The following SMAD6 variants were observed in gnomAD, a reference collection of about 807,000 sequenced individuals.
SMAD6 encodes MAD homolog 6.
In SMAD6, 103 loss-of-function variants were observed where a neutral mutation model predicts 39.4. That is an observed-to-expected ratio of 2.62 (90% CI 2.23 to 3.08). The LOEUF (loss-of-function observed/expected upper bound fraction) is 3.08, where lower values mean the gene tolerates loss of function less well. SMAD6 is among the 30% of genes most tolerant of loss of function. SMAD6 has a pLI of 0.00. For missense variants in SMAD6, 1,104 were observed against 742.9 expected (o/e 1.49, Z -5.65); for synonymous variants, 445 against 353.3 (o/e 1.26, Z -2.91).
chr15:66,777,787 C>T (rs549728874), intron 3 of SMAD6, among the ~76,000 whole-genome samples: 3 of 152,302 alleles, frequency 2.0e-5, no homozygotes, highest in Admixed American at 6.5e-5. Context: ...TGGCCAGGAG[C>T]GCAGGCCTGA....
chr15:66,763,999 C>G (rs769773632), intron 3 of SMAD6, among the ~76,000 whole-genome samples: 66 of 152,376 alleles, frequency 4.3e-4, no homozygotes, highest in Non-Finnish European at 8.1e-4. Context: ...CACGGGACTT[C>G]CCTTCCAGAT....
Position 66,703,344 on chromosome 15 carries a change from G to GCGGCGGTGGCGGCGA in SMAD6, c.89_103dup (p.Gly30_Asp34dup). On this transcript the variant is annotated inframe_insertion, in exon 1 of 4. Transcript: ENST00000288840. ...GACCGGGAGGAAGGCGGCAGCGGCGGCGGCGGTGGCGGCGACGAGGATGGG... is the reference window on the plus strand; with the variant it reads ...GACCGGGAGGAAGGCGGCAGCGGCGGCGGCGGTGGCGGCGACGGCGGTGGCGGCGACGAGGATGGG... 1 of 1,482,160 alleles carries GCGGCGGTGGCGGCGA rather than the reference G, an allele frequency of 6.7e-7. No individual in the cohort carries two copies. The highest frequency in any genetic ancestry group is 2.4e-5 in the Admixed American group (1 of 41,320). The allele number at this position is 1,482,160 out of a possible 1,614,324, so 91.8% of individuals were successfully genotyped here. A position where few individuals can be genotyped will look rare whatever the true frequency, so the allele number is the denominator to read the frequency against.
intron 3 of SMAD6, among the ~76,000 whole-genome samples, chr15:66,776,649 C>A (rs1894472755): frequency 6.6e-6 from 1 of 152,202 alleles, no homozygotes; most frequent in Non-Finnish European, 1.5e-5. Context: ...AGGATGCTAT[C>A]TTTGGGGCAC....
chr15:66,761,252 C>G (rs1287594591), intron 3 of SMAD6, among the ~76,000 whole-genome samples: 1 of 152,186 alleles, frequency 6.6e-6, no homozygotes, highest in African/African-American at 2.4e-5. Context: ...CTCAGAATCT[C>G]TAGCAGCCCC....
intron 3 of SMAD6, among the ~76,000 whole-genome samples, chr15:66,720,807 C>T (rs1893419276): frequency 6.6e-6 from 1 of 152,150 alleles, no homozygotes; most frequent in Admixed American, 6.5e-5. Flanking sequence ...AGTCACTGTC[C>T]AGCTATGTGT....
chr15:66,781,536 TGGC>T lies in SMAD6; in HGVS notation c.*5_*7del, dbSNP rs747441458. 5.8e-4 allele frequency: 650 copies of T among 1,122,954 alleles called. 1 individual carries two copies. The highest frequency in any genetic ancestry group is 7.5e-4 in the Non-Finnish European group (622 of 831,718). 69.6% of individuals were successfully genotyped at this position (1,122,954 alleles called of 1,614,324 possible). ...GATCCTCCTCAACAACCCCAGATAG[TGGC>T]GGCCCCGGCGGGAGGGGCGGGTGGG... On this transcript the variant is annotated 3_prime_UTR_variant, in exon 4 of 4. Transcript: ENST00000288840.
intron 3 of SMAD6, chr15:66,716,951 GA>G: frequency 1.6e-6 from 2 of 1,282,940 alleles, no homozygotes; most frequent in Non-Finnish European, 2.0e-6. Flanking sequence ...AGCTTGCAGG[GA>G]GGATCTGGCA....
chr15:66,775,924 G>A (rs2140675305), intron 3 of SMAD6, among the ~76,000 whole-genome samples: 1 of 152,354 alleles, frequency 6.6e-6, no homozygotes, highest in Admixed American at 6.5e-5. Flanking sequence ...AGGGGGCTGT[G>A]CAGCTGTGGG....
In SMAD6 at chr15:66,703,599, G is replaced by A. The variant is rs2140581352; in HGVS notation, c.341G>A (p.Gly114Asp). The A allele has an allele frequency of 4.9e-6, 6 of 1,228,160 alleles. 1 individual carries two copies. The highest frequency in any genetic ancestry group is 3.2e-4 in the Middle Eastern group (1 of 3,134). 76.1% of individuals were successfully genotyped at this position (1,228,160 alleles called of 1,614,324 possible). ...GACGTGGCGGAGCCGGGAGGCCCGG[G>A]CTGGCTGCCCGAGAGTGACTGCGAG... ...LLDVAEPGGP[G>D]WLPESDCETV... The change falls in exon 1 of 4, where the codon GGC (glycine) becomes GAC (aspartate). Residue 114 changes from glycine (G) to aspartate (D), a missense_variant. Coordinates refer to ENST00000288840, the MANE Select transcript of SMAD6 (RefSeq NM_005585.5).
chr15:66,769,002 C>T (rs1460493398), intron 3 of SMAD6, among the ~76,000 whole-genome samples: 6 of 152,172 alleles, frequency 3.9e-5, no homozygotes, highest in Non-Finnish European at 7.3e-5. Context: ...GATTCAGACC[C>T]AGGGGCTGAG....
intron 3 of SMAD6, among the ~76,000 whole-genome samples, chr15:66,733,041 CTAT>C (rs1343244286): frequency 2.6e-5 from 4 of 151,188 alleles, no homozygotes; most frequent in African/African-American, 7.3e-5. Flanking sequence ...AGAGGTTGTT[CTAT>C]TATTGTATCA....
intron 3 of SMAD6, among the ~76,000 whole-genome samples, chr15:66,717,848 G>T (rs1893360351): frequency 1.3e-5 from 2 of 152,124 alleles, no homozygotes; most frequent in African/African-American, 4.8e-5. Flanking sequence ...CTTCGTTAGG[G>T]TACTTCCTTC....
At chr15:66,739,070 A>G (rs904857762) in intron 3 of SMAD6, among the ~76,000 whole-genome samples, 11 of 144,958 alleles carry the variant, frequency 7.6e-5, no homozygotes, top group African/African-American at 2.5e-4. Context: ...AACCTTACCC[A>G]GGCCTTCTTT....
Position 66,718,111 on chromosome 15 carries a change from C to CGTGTGTGTGTGTGTGTGTGT in SMAD6, c.952+1634_952+1653dup, listed in dbSNP as rs57053370. On this transcript the variant is annotated intron_variant, in intron 3 of 3. Coordinates refer to ENST00000288840, the MANE Select transcript of SMAD6 (RefSeq NM_005585.5). ...TCCCTATTGTTAATGATGGAAAGTCCGTGTGTGTGTGTGTGTGTGTGTGTG... is the reference window on the plus strand; with the variant it reads ...TCCCTATTGTTAATGATGGAAAGTCCGTGTGTGTGTGTGTGTGTGTGTGTGTGTGTGTGTGTGTGTGTGTG... 2.2e-3 allele frequency among the ~76,000 whole-genome samples: 302 copies of CGTGTGTGTGTGTGTGTGTGT among 137,244 alleles called. 9 individuals are homozygous for CGTGTGTGTGTGTGTGTGTGT. Among genetic ancestry groups the CGTGTGTGTGTGTGTGTGTGT allele is most frequent in the African/African-American group, 8.0e-3 (279 of 35,020 alleles). The allele number at this position is 137,244 out of a possible 152,430, so 90.0% of individuals were successfully genotyped here. A position where few individuals can be genotyped will look rare whatever the true frequency, so the allele number is the denominator to read the frequency against.
intron 3 of SMAD6, 79 bp from the exon 4 acceptor site, chr15:66,780,918 G>A: frequency 7.2e-7 from 1 of 1,382,812 alleles, no homozygotes; most frequent in Non-Finnish European, 9.7e-7. Context: ...TGTGCAGACA[G>A]CAGTGCCCAC....
chr15:66,761,135 G>A (rs1199162299), intron 3 of SMAD6, among the ~76,000 whole-genome samples: 1 of 152,090 alleles, frequency 6.6e-6, no homozygotes, highest in Non-Finnish European at 1.5e-5. Flanking sequence ...TTGCCACGAG[G>A]TCCAGTGAGC....
chr15:66,717,053 T>G lies in SMAD6; in HGVS notation c.952+555T>G, dbSNP rs372198631. 1.5e-5 allele frequency: 19 copies of G among 1,289,136 alleles called. No individual in the cohort carries two copies. In the East Asian group the frequency reaches 5.0e-4, roughly 34 times the overall value. 79.9% of individuals were successfully genotyped at this position (1,289,136 alleles called of 1,614,324 possible). ...AAGCCGAGGGAACCGTGGTTTGGAG[T>G]CCTCTGTCCCCTGCAGTTAGAAGCT... On this transcript the variant is annotated intron_variant, in intron 3 of 3. Transcript: ENST00000288840.
rs1004531676 is a variant in SMAD6, at chr15:66,704,054, T to C, written c.796T>C (p.Phe266Leu). 39 of 1,503,250 alleles carry C rather than the reference T, an allele frequency of 2.6e-5. No individual in the cohort carries two copies. The highest frequency in any genetic ancestry group is 3.3e-5 in the Non-Finnish European group (37 of 1,134,724). 93.1% of individuals were successfully genotyped at this position (1,503,250 alleles called of 1,614,324 possible). Residue 266 changes from phenylalanine to leucine, a missense_variant, in exon 1 of 4, where the codon TTC becomes CTC. By Grantham distance (22) the Phe-to-Leu change is conservative. Transcript: ENST00000288840. ...TACCGTGTGCTGCAACCCCTACCAC[T>C]TCAGCCGGCTCTGCGGGCCCGGTGA... ...GPTVCCNPYH[F>L]SRLCGPESPP...
chr15:66,763,668 A>G (rs1894242454), intron 3 of SMAD6, among the ~76,000 whole-genome samples: 1 of 152,216 alleles, frequency 6.6e-6, no homozygotes, highest in African/African-American at 2.4e-5. Flanking sequence ...TCCAGGGTTG[A>G]AAATGCTGCT....
Sources: allele counts gnomAD v4.1 joint callset (sites outside exome capture counted in the v4.1 genomes callset), GRCh38; gene constraint gnomAD v4.1.1; transcripts MANE v1.5; gene names NCBI Gene and HGNC (gene_info 2026-07-23, HGNC 2026-07-21).